Variants in LRP8 observed in about 807,000 individuals in gnomAD.
LRP8 encodes LDL receptor related protein 8.
Under a neutral mutation model 111.6 loss-of-function variants are expected in LRP8, and 46 were observed. That is an observed-to-expected ratio of 0.41 (90% CI 0.33 to 0.53). The LOEUF is 0.53. Ranked by LOEUF, LRP8 falls within the 20% of genes least tolerant of loss-of-function variation. LRP8 has a pLI of 0.20. For synonymous variants in LRP8, 464 were observed against 511.2 expected, an observed-to-expected ratio of 0.91 and a Z score of 1.24; for missense variants, 959 against 1,297.4, an observed-to-expected ratio of 0.74 and a Z score of 4.01.
intron 18 of LRP8, among the ~76,000 whole-genome samples, chr1:53,248,621 G>C (rs934385140): frequency 3.3e-5 from 5 of 152,230 alleles, no homozygotes; most frequent in Non-Finnish European, 5.9e-5. Context: ...ATATCAGCTT[G>C]ATAAGGTTAT....
intron 2 of LRP8, among the ~76,000 whole-genome samples, chr1:53,307,116 T>A (rs1484273079): frequency 6.6e-6 from 1 of 152,188 alleles, no homozygotes; most frequent in African/African-American, 2.4e-5. Flanking sequence ...AGAACCACTT[T>A]GAGCCACCAT....
Position 53,293,776 on chromosome 1 carries a change from G to A in LRP8, c.245-4087C>T, listed in dbSNP as rs1213542788. Among the ~76,000 whole-genome samples the A allele has an allele frequency of 6.6e-6, 1 of 152,214 alleles. No homozygotes were observed. Among genetic ancestry groups the A allele is most frequent in the Non-Finnish European group, 1.5e-5 (1 of 68,044 alleles). ...GGGGACTAGACTAAAGCACGCTGGA[G>A]GGCCCCATTGGAAGTGTGACCATAT... is the stretch of plus-strand genomic sequence containing the variant. On this transcript the variant is annotated intron_variant, in intron 2 of 18. Transcript: ENST00000306052. This position sits in a 1 kb window ranked among gnomAD's most constrained non-coding sequence, Gnocchi z 4.9.
chr1:53,250,774 T>A lies in LRP8; in HGVS notation c.2592A>T (p.Pro864=). The A allele has an allele frequency of 1.2e-6, 2 of 1,614,142 alleles. No homozygotes were observed. Among genetic ancestry groups the A allele is most frequent in the Non-Finnish European group, 1.7e-6 (2 of 1,179,984 alleles). The change falls in exon 17 of 19, where the codon CCA becomes CCT. Residue 864 remains proline, a synonymous_variant. Coordinates refer to ENST00000306052, the MANE Select transcript of LRP8 (RefSeq NM_004631.5). This position sits in a 1 kb window ranked among gnomAD's most constrained non-coding sequence, Gnocchi z 4.6. ...KNTKSMNFDN[P]VYRKTTEEED... is the part of the protein sequence containing the mutation. ...CTTCTTCTGTTGTTTTCCTGTAGAC[T>A]GGGTTGTCAAAATTCATGCTTTTGG...
At position 53,303,807 on chromosome 1, in the gene LRP8, G is replaced by A. The variant is rs920902035; in HGVS notation, c.245-14118C>T. Among the ~76,000 whole-genome samples, 2 of 152,112 alleles carry A rather than the reference G, an allele frequency of 1.3e-5. No individual in the cohort carries two copies. The highest frequency in any genetic ancestry group is 1.3e-4 in the Admixed American group (2 of 15,274). On this transcript the variant is annotated intron_variant, in intron 2 of 18. Coordinates refer to ENST00000306052, the MANE Select transcript of LRP8 (RefSeq NM_004631.5). This position sits in a 1 kb window ranked among gnomAD's most constrained non-coding sequence, Gnocchi z 4.3. ...TCCCACCGCTGACATATGGCCATTC[G>A]CCCTCTTGAATGCTCTCAGCGACAG... is the stretch of plus-strand genomic sequence containing the variant.
Position 53,270,396 on chromosome 1 carries a change from C to T in LRP8, c.1252+632G>A, listed in dbSNP as rs567343353. ...GGAGGGGAAGGGCAAAGGGGAAATC[C>T]CTAAGAAATATGCAGGCCCAATCAG... On this transcript the variant is annotated intron_variant, in intron 8 of 18. Transcript: ENST00000306052. 2.0e-5 allele frequency among the ~76,000 whole-genome samples: 3 copies of T among 152,170 alleles called. No individual in the cohort carries two copies. The South Asian group carries it at 6.2e-4, about 32-fold the overall frequency.
intron 3 of LRP8, 52 bp from the exon 4 acceptor site, chr1:53,280,767 G>T: frequency 1.3e-6 from 2 of 1,598,824 alleles, no homozygotes; most frequent in Non-Finnish European, 1.7e-6. Context: ...CACAGGGCAT[G>T]GTGCCAACCA....
intron 2 of LRP8, among the ~76,000 whole-genome samples, chr1:53,304,840 G>A (rs1307786791): frequency 6.6e-6 from 1 of 152,180 alleles, no homozygotes; most frequent in African/African-American, 2.4e-5. Flanking sequence ...GGAAAGGTGT[G>A]GGGTCATGTG....
At chr1:53,277,526 G>A (rs369093523) in intron 4 of LRP8, among the ~76,000 whole-genome samples, 3 of 152,122 alleles carry the variant, frequency 2.0e-5, no homozygotes, top group Non-Finnish European at 4.4e-5. Context: ...TATCCAAGGC[G>A]TCTCTTGGGT....
At chr1:53,283,307 T>C (rs1647177923) in intron 3 of LRP8, among the ~76,000 whole-genome samples, 2 of 152,020 alleles carry the variant, frequency 1.3e-5, no homozygotes, top group South Asian at 2.1e-4. Context: ...CTTCCTACCC[T>C]CCAGAACTGT....
intron 2 of LRP8, among the ~76,000 whole-genome samples, chr1:53,312,322 T>G (rs1653151997): frequency 6.6e-6 from 1 of 152,190 alleles, no homozygotes; most frequent in Non-Finnish European, 1.5e-5. Flanking sequence ...CTCTGTTTCT[T>G]TCTTGAGTTC....
In LRP8 at chr1:53,245,728, A is replaced by G. The variant is rs368355601; in HGVS notation, c.*1290T>C. ...CTATATGAACATATGATGGTAAGTA[A>G]CCTATTTATTACCTTAAAATGTTTC... On this transcript the variant is annotated 3_prime_UTR_variant, in exon 19 of 19. Transcript: ENST00000306052. 8 of 152,778 alleles carry G rather than the reference A, an allele frequency of 5.2e-5. No homozygotes were observed. In the East Asian group the frequency reaches 1.5e-3, roughly 29 times the overall value. 9.5% of individuals were successfully genotyped at this position (152,778 alleles called of 1,614,324 possible). A position where few individuals can be genotyped will look rare whatever the true frequency, so the allele number is the denominator to read the frequency against.
chr1:53,321,941 C>A (rs1654570439), intron 2 of LRP8, among the ~76,000 whole-genome samples: 1 of 152,196 alleles, frequency 6.6e-6, no homozygotes, highest in South Asian at 2.1e-4. Flanking sequence ...CCTTTCCAAG[C>A]AGCTTTCTGT....
intron 4 of LRP8, among the ~76,000 whole-genome samples, chr1:53,278,139 TCA>T (rs564198899): frequency 8.9e-4 from 136 of 152,278 alleles, no homozygotes; most frequent in African/African-American, 3.0e-3. Context: ...TTGCCCAGGG[TCA>T]CACAGTCCAT....
intron 3 of LRP8, among the ~76,000 whole-genome samples, chr1:53,287,003 C>T (rs1016098841): frequency 2.0e-5 from 3 of 152,254 alleles, no homozygotes; most frequent in Non-Finnish European, 4.4e-5. Flanking sequence ...GCAGCTTGCC[C>T]GAGGTCTAAC....
At chr1:53,318,787 TA>T (rs34361465) in intron 2 of LRP8, among the ~76,000 whole-genome samples, 3,599 of 146,380 alleles carry the variant, frequency 0.025, 55 homozygotes, top group Non-Finnish European at 0.037. Context: ...TCATTTTTGT[TA>T]AAAAAAAAAA....
Position 53,303,997 on chromosome 1 carries a change from G to A in LRP8, c.245-14308C>T, listed in dbSNP as rs1572632663. 6.6e-6 allele frequency among the ~76,000 whole-genome samples: 1 copy of A among 152,162 alleles called. No individual in the cohort carries two copies. The highest frequency in any genetic ancestry group is 6.5e-5 in the Admixed American group (1 of 15,276). On this transcript the variant is annotated intron_variant, in intron 2 of 18. Coordinates refer to ENST00000306052, the MANE Select transcript of LRP8 (RefSeq NM_004631.5). This position sits in a 1 kb window ranked among gnomAD's most constrained non-coding sequence, Gnocchi z 4.3. ...AAGACTCCCAGGGAAGTGGAAAGGA[G>A]CCAAGAGCTGCCATGAAATGACTTT...
chr1:53,278,363 G>T (rs908646004), intron 4 of LRP8, among the ~76,000 whole-genome samples: 1 of 152,248 alleles, frequency 6.6e-6, no homozygotes, highest in Admixed American at 6.5e-5. Context: ...CACTGATGCA[G>T]TGGCTGTGGC....
intron 2 of LRP8, among the ~76,000 whole-genome samples, chr1:53,315,723 C>T (rs1653706410): frequency 6.6e-6 from 1 of 152,200 alleles, no homozygotes; most frequent in African/African-American, 2.4e-5. Flanking sequence ...TAAAAAGCTG[C>T]CCCAAGTGAC....
At chr1:53,299,716 A>C (rs1172289495) in intron 2 of LRP8, among the ~76,000 whole-genome samples, 1 of 152,210 alleles carries the variant, frequency 6.6e-6, no homozygotes, top group Non-Finnish European at 1.5e-5. Context: ...GCTTTTCTGG[A>C]GAGAGGTTAA....
Sources: allele counts gnomAD v4.1 joint callset (sites outside exome capture counted in the v4.1 genomes callset), GRCh38; gene constraint gnomAD v4.1.1; non-coding constraint Gnocchi (gnomAD v3.1); transcripts MANE v1.5; gene names NCBI Gene and HGNC (gene_info 2026-07-23, HGNC 2026-07-21).